Variants in ALG6 observed in about 807,000 individuals in gnomAD.
The protein encoded by ALG6 is ALG6 alpha-1,3-glucosyltransferase.
Under a neutral mutation model 66.6 loss-of-function variants are expected in ALG6, and 46 were observed. The observed-to-expected ratio is 0.69, with a 90% CI of 0.55 to 0.88. The LOEUF (loss-of-function observed/expected upper bound fraction) is 0.88. ALG6 is among the 40% of genes least tolerant of loss of function. The pLI is 0.00. For missense variants in ALG6, 505 were observed against 586.8 expected (o/e 0.86, Z 1.44); for synonymous variants, 185 against 203.7 (o/e 0.91, Z 0.78).
intron 12 of ALG6, among the ~76,000 whole-genome samples, chr1:63,424,235 G>T (rs1182902539): frequency 6.6e-6 from 1 of 152,104 alleles, no homozygotes; most frequent in Non-Finnish European, 1.5e-5. Context: ...CCGCCTCCCG[G>T]GTTCAAGTGA....
chr1:63,404,604 A>G, intron 5 of ALG6, 63 bp downstream of exon 5: 1 of 1,316,022 alleles, frequency 7.6e-7, no homozygotes, highest in Admixed American at 1.7e-5. Flanking sequence ...ACAAACTGGT[A>G]AAGGTACTAT....
intron 2 of ALG6, among the ~76,000 whole-genome samples, chr1:63,375,830 G>A (rs967356528): frequency 6.6e-6 from 1 of 151,850 alleles, no homozygotes; most frequent in Non-Finnish European, 1.5e-5. Context: ...AATTATTTTT[G>A]TAATTTATAT....
At chr1:63,407,027 A>G in intron 6 of ALG6, 35 bp from the exon 7 acceptor site, 2 of 1,514,748 alleles carry the variant, frequency 1.3e-6, no homozygotes, top group South Asian at 2.2e-5. Context: ...TGTGTAACAG[A>G]TTACTTTCTT....
chr1:63,384,942 T>C (rs896753347), intron 2 of ALG6, among the ~76,000 whole-genome samples: 12 of 152,172 alleles, frequency 7.9e-5, no homozygotes, highest in African/African-American at 2.9e-4. Flanking sequence ...TTGCTTAGGA[T>C]AGTTTTGACT....
rs568909203 is a variant in ALG6 at position 63,413,919 on chromosome 1, G to T, written c.817-142G>T. On this transcript the variant is annotated intron_variant, in intron 9 of 14. Coordinates refer to ENST00000263440, the MANE Select transcript of ALG6 (RefSeq NM_013339.4). ...GTGTATGCGTATATGTTTATTCCTG[G>T]AGGATTTAATCTATTTAGTTATAAT... 153 of 633,196 alleles carry T rather than the reference G, an allele frequency of 2.4e-4. No individual in the cohort carries two copies. In the African/African-American group the frequency reaches 2.6e-3, roughly 11 times the overall value. The allele number at this position is 633,196 out of a possible 1,614,324, so 39.2% of individuals were successfully genotyped here.
intron 7 of ALG6, among the ~76,000 whole-genome samples, chr1:63,407,860 T>G (rs1644497721): frequency 6.6e-6 from 1 of 152,172 alleles, no homozygotes; most frequent in South Asian, 2.1e-4. Context: ...GATATTCAAG[T>G]CTGTAGTTGT....
intron 7 of ALG6, among the ~76,000 whole-genome samples, chr1:63,408,820 G>A (rs895615205): frequency 3.9e-5 from 6 of 152,234 alleles, no homozygotes; most frequent in South Asian, 2.1e-4. Flanking sequence ...GCTCTTGTCC[G>A]CCATGCTGGA....
intron 4 of ALG6, 73 bp from the exon 5 acceptor site, chr1:63,404,380 A>T: frequency 8.4e-7 from 1 of 1,193,636 alleles, no homozygotes; most frequent in Non-Finnish European, 1.3e-6. Flanking sequence ...TAATACATTC[A>T]TATATCCTTC....
intron 2 of ALG6, among the ~76,000 whole-genome samples, chr1:63,378,860 G>GT (rs201657343): frequency 0.014 from 1,846 of 128,710 alleles, 29 homozygotes; most frequent in African/African-American, 0.052. Context: ...TGCTTAATTT[G>GT]TTTGTTTTTT....
intron 3 of ALG6, among the ~76,000 whole-genome samples, chr1:63,398,022 C>T (rs893431582): frequency 6.6e-6 from 1 of 152,044 alleles, no homozygotes; most frequent in East Asian, 1.9e-4. Flanking sequence ...TGAACATATC[C>T]TGATAACTGT....
At chr1:63,409,357 A>G (rs114245311) in intron 7 of ALG6, among the ~76,000 whole-genome samples, 4,053 of 152,246 alleles carry the variant, frequency 0.027, 81 homozygotes, top group Non-Finnish European at 0.038. Flanking sequence ...ATATGGGTCC[A>G]TACGTTTTGA....
At chr1:63,430,531 G>T (rs904397817) in intron 14 of ALG6, among the ~76,000 whole-genome samples, 1 of 152,196 alleles carries the variant, frequency 6.6e-6, no homozygotes, top group African/African-American at 2.4e-5. Context: ...ATGTGTGAGG[G>T]TTCTAATTTC....
intron 11 of ALG6, among the ~76,000 whole-genome samples, chr1:63,417,857 C>T (rs541758542): frequency 3.3e-5 from 5 of 152,042 alleles, no homozygotes; most frequent in East Asian, 1.9e-4. Context: ...TAGTGTTGGC[C>T]GGGCACGGTG....
chr1:63,434,709 A>G (rs1644668659), intron 14 of ALG6, among the ~76,000 whole-genome samples: 1 of 152,200 alleles, frequency 6.6e-6, no homozygotes, highest in Non-Finnish European at 1.5e-5. Flanking sequence ...CAGGGAAGCC[A>G]AAAGATTGGA....
chr1:63,404,380 A>C (rs1644480317), intron 4 of ALG6, 73 bp from the exon 5 acceptor site: 2 of 1,193,636 alleles, frequency 1.7e-6, no homozygotes, highest in East Asian at 2.3e-5. Context: ...TAATACATTC[A>C]TATATCCTTC....
chr1:63,383,306 GT>G (rs1648392838), intron 2 of ALG6, among the ~76,000 whole-genome samples: 1 of 151,512 alleles, frequency 6.6e-6, no homozygotes, highest in African/African-American at 2.4e-5. Context: ...TGTATTTTTA[GT>G]AGAGATGGGG....
intron 12 of ALG6, among the ~76,000 whole-genome samples, chr1:63,422,174 T>TA (rs1255271216): frequency 0.04 from 4,780 of 119,010 alleles, 326 homozygotes; most frequent in Non-Finnish European, 0.064. Flanking sequence ...TAACTATGAA[T>TA]TTATATTTAT....
chr1:63,395,270 G>T (rs745998837), intron 2 of ALG6, among the ~76,000 whole-genome samples: 15 of 152,186 alleles, frequency 9.9e-5, no homozygotes, highest in Non-Finnish European at 1.8e-4. Context: ...TGAAATTAAA[G>T]TAATCAAACC....
chr1:63,406,717 T>C (rs1644491304), intron 6 of ALG6, among the ~76,000 whole-genome samples: 1 of 152,114 alleles, frequency 6.6e-6, no homozygotes. Context: ...TTTTGAAAAG[T>C]TGTTGTATAT....
Sources: gnomAD v4.1 joint callset for allele counts (sites outside exome capture counted in the v4.1 genomes callset) on GRCh38, gnomAD v4.1.1 for gene constraint, MANE v1.5 for transcripts, NCBI Gene and HGNC (gene_info 2026-07-23, HGNC 2026-07-21) for gene names.